Variants in ADAMTS18 observed in about 807,000 individuals in gnomAD.
ADAMTS18 encodes the protein A disintegrin and metalloproteinase with thrombospondin motifs 18.
A neutral mutation model predicts 165.9 loss-of-function variants in ADAMTS18; 157 were observed. The observed-to-expected ratio is 0.95, with a 90% CI of 0.83 to 1.08. ADAMTS18 has a LOEUF of 1.08. ADAMTS18 is among the 50% of genes least tolerant of loss of function. The pLI is 0.00. For missense variants in ADAMTS18, 2,040 were observed against 1,534.0 expected, an observed-to-expected ratio of 1.33 and a Z score of -5.51; for synonymous variants, 782 against 578.2, an observed-to-expected ratio of 1.35 and a Z score of -5.06.
At chr16:77,393,906 C>A (rs990233510) in intron 3 of ADAMTS18, among the ~76,000 whole-genome samples, 10 of 152,218 alleles carry the variant, frequency 6.6e-5, no homozygotes, top group Admixed American at 5.9e-4. Context: ...GCATGAGGAA[C>A]ATATCCATCC....
In ADAMTS18 at chr16:77,317,205, C is replaced by A. The variant is rs1286413635; in HGVS notation, c.2532+2644G>T. Among the ~76,000 whole-genome samples the A allele has an allele frequency of 3.3e-5, 5 of 151,968 alleles. No homozygotes were observed. In the East Asian group the frequency reaches 9.7e-4, roughly 29 times the overall value. On this transcript the variant is annotated intron_variant, in intron 16 of 22. Coordinates refer to ENST00000282849, the MANE Select transcript of ADAMTS18 (RefSeq NM_199355.4). ...TCATTTGTGTAGTGCTGTACTGTAC[C>A]CTCCAACACTCTAAGTTTCATTATA...
Position 77,367,649 on chromosome 16 carries a change from G to C in ADAMTS18, c.570C>G (p.Asn190Lys), listed in dbSNP as rs373069226. The part of the protein sequence containing the change: ...PLPQLLAQEH[N>K]YSSPAGHHPH... ...GATGGTGACCCGCAGGGGAGCTGTA[G>C]TTGTGTTCCTGGGCCAGAAGCTGAG... The change falls in exon 4 of 23, where the codon AAC becomes AAG. Residue 190 changes from asparagine (N) to lysine (K), a missense_variant. By Grantham distance (94) the Asn-to-Lys change is moderately conservative. Transcript: ENST00000282849. 9.1e-5 allele frequency: 147 copies of C among 1,614,066 alleles called. No homozygotes were observed. Among genetic ancestry groups the C allele is most frequent in the Non-Finnish European group, 1.2e-4 (143 of 1,180,034 alleles).
intron 3 of ADAMTS18, among the ~76,000 whole-genome samples, chr16:77,416,996 G>A (rs147705312): frequency 4.1e-4 from 63 of 152,240 alleles, no homozygotes; most frequent in African/African-American, 1.4e-3. Context: ...TATCATGAAG[G>A]GCACAGAGGC....
intron 3 of ADAMTS18, among the ~76,000 whole-genome samples, chr16:77,381,588 G>C (rs556544601): frequency 6.6e-6 from 1 of 152,208 alleles, no homozygotes; most frequent in African/African-American, 2.4e-5. Context: ...TGGATCACGA[G>C]GTCAGAAGTT....
intron 3 of ADAMTS18, among the ~76,000 whole-genome samples, chr16:77,387,967 A>G (rs1017263357): frequency 1.3e-5 from 2 of 151,732 alleles, no homozygotes; most frequent in African/African-American, 4.8e-5. Context: ...CTTACTCCCA[A>G]CCCCCATCCT....
chr16:77,367,477 A>G lies in ADAMTS18; in HGVS notation c.742T>C (p.Leu248=), dbSNP rs756699750. 5.0e-6 allele frequency: 8 copies of G among 1,614,108 alleles called. No homozygotes were observed. Among genetic ancestry groups the G allele is most frequent in the African/African-American group, 4.0e-5 (3 of 74,940 alleles). Residue 248 remains leucine, a synonymous_variant, in exon 4 of 23, where the codon TTG becomes CTG. Coordinates refer to ENST00000282849, the MANE Select transcript of ADAMTS18 (RefSeq NM_199355.4). ...CGTCCACAAAAATGCTGCTTTTGCA[A>G]CCTTCGATGGTGATACTCTGTCTCT... ...SRETEYHHRR[L]QKQHFCGRRK... is the part of the protein sequence containing the mutation.
Position 77,283,901 on chromosome 16 carries a change from T to C in ADAMTS18, c.*55A>G, listed in dbSNP as rs932740630. On this transcript the variant is annotated 3_prime_UTR_variant, in exon 23 of 23. Transcript: ENST00000282849. ...CCTGGTCTCAAAGGCAGCTGGTCTC[T>C]CTAGAGGTTGAAAGGTAAGCCCCTG... is the stretch of plus-strand genomic sequence containing the variant. 7.2e-7 allele frequency: 1 copy of C among 1,384,514 alleles called. No individual in the cohort carries two copies. The allele number at this position is 1,384,514 out of a possible 1,614,324, so 85.8% of individuals were successfully genotyped here.
chr16:77,423,171 C>T (rs535717728), intron 3 of ADAMTS18, among the ~76,000 whole-genome samples: 2 of 152,302 alleles, frequency 1.3e-5, no homozygotes, highest in Non-Finnish European at 2.9e-5. Flanking sequence ...CTACTTATAA[C>T]GCCAGCTTGC....
chr16:77,295,880 G>C (rs1039259929), intron 18 of ADAMTS18, among the ~76,000 whole-genome samples: 1 of 151,726 alleles, frequency 6.6e-6, no homozygotes, highest in African/African-American at 2.4e-5. Context: ...TCTTGCTCTT[G>C]TTGCCCAGGC....
intron 10 of ADAMTS18, among the ~76,000 whole-genome samples, chr16:77,342,496 G>T (rs185241311): frequency 1.6e-4 from 24 of 152,034 alleles, no homozygotes; most frequent in Admixed American, 5.2e-4. Context: ...TTGCTTTGTG[G>T]CCCAGTCTCA....
chr16:77,358,526 C>A (rs1016693615), intron 8 of ADAMTS18, among the ~76,000 whole-genome samples: 11 of 152,144 alleles, frequency 7.2e-5, no homozygotes, highest in Non-Finnish European at 1.5e-5. Context: ...CGTGCCACTG[C>A]ACTCCAGCCG....
At chr16:77,395,019 G>C (rs1310021069) in intron 3 of ADAMTS18, among the ~76,000 whole-genome samples, 1 of 152,138 alleles carries the variant, frequency 6.6e-6, no homozygotes, top group Non-Finnish European at 1.5e-5. Context: ...ATTTGCCTGT[G>C]GCTAGTGGGA....
At chr16:77,313,688 G>T (rs1433647129) in intron 16 of ADAMTS18, among the ~76,000 whole-genome samples, 1 of 152,124 alleles carries the variant, frequency 6.6e-6, no homozygotes, top group Non-Finnish European at 1.5e-5. Flanking sequence ...ATGTACCCCT[G>T]TTTCCCTATT....
chr16:77,316,488 C>A (rs1020600232), intron 16 of ADAMTS18, among the ~76,000 whole-genome samples: 2 of 151,992 alleles, frequency 1.3e-5, no homozygotes, highest in African/African-American at 4.8e-5. Flanking sequence ...CCACCCTCTT[C>A]CTTGACATCC....
At chr16:77,434,554 C>A (rs2057774203) in intron 1 of ADAMTS18, 49 bp from the exon 2 acceptor site, 4 of 1,532,254 alleles carry the variant, frequency 2.6e-6, no homozygotes, top group East Asian at 4.9e-5. Context: ...GCGGGGCTGG[C>A]GTCGGGCGCC....
At position 77,356,024 on chromosome 16, in the gene ADAMTS18, T is replaced by C. The variant is rs747009663; in HGVS notation, c.1376A>G (p.Asn459Ser). The C allele has an allele frequency of 5.0e-6, 8 of 1,614,080 alleles. No homozygotes were observed. Among genetic ancestry groups the C allele is most frequent in the South Asian group, 1.1e-5 (1 of 91,088 alleles). The part of the protein sequence containing the change: ...EGNPCRKAEG[N>S]IMSPTLTGNN... ...TCCGGTCAGTGTGGGAGACATGATA[T>C]TGCCTTCAGCCTTTCTGCAGGGATT... Residue 459 changes from asparagine (N) to serine (S), a missense_variant, in exon 9 of 23, where the codon AAT becomes AGT. By Grantham distance (46) the Asn-to-Ser change is conservative. Coordinates refer to ENST00000282849, the MANE Select transcript of ADAMTS18 (RefSeq NM_199355.4).
chr16:77,419,111 T>A (rs772896431), intron 3 of ADAMTS18, among the ~76,000 whole-genome samples: 8 of 152,092 alleles, frequency 5.3e-5, no homozygotes, highest in Non-Finnish European at 1.0e-4. Flanking sequence ...ATCATGCCAC[T>A]GCACTCCAGC....
chr16:77,356,018 A>G lies in ADAMTS18; in HGVS notation c.1382T>C (p.Met461Thr), dbSNP rs2056624913. ...ATTGTTTCCGGTCAGTGTGGGAGAC[A>G]TGATATTGCCTTCAGCCTTTCTGCA... is the stretch of plus-strand genomic sequence containing the variant. ...NPCRKAEGNI[M>T]SPTLTGNNGV... The change falls in exon 9 of 23, where the codon ATG becomes ACG. Residue 461 changes from methionine (M) to threonine (T), a missense_variant. By Grantham distance (81) the Met-to-Thr change is moderately conservative (BLOSUM62 -1). Transcript: ENST00000282849. 6.2e-7 allele frequency: 1 copy of G among 1,614,000 alleles called. No individual in the cohort carries two copies. Among genetic ancestry groups the G allele is most frequent in the South Asian group, 1.1e-5 (1 of 91,086 alleles).
chr16:77,431,755 G>T, intron 2 of ADAMTS18, 144 bp from the exon 3 acceptor site: 1 of 851,288 alleles, frequency 1.2e-6, no homozygotes, highest in Non-Finnish European at 1.9e-6. Flanking sequence ...ATAATTCAGA[G>T]CAGCACAGGC....
Sources: allele counts gnomAD v4.1 joint callset (sites outside exome capture counted in the v4.1 genomes callset), GRCh38; gene constraint gnomAD v4.1.1; transcripts MANE v1.5; gene names NCBI Gene and HGNC (gene_info 2026-07-23, HGNC 2026-07-21).